The following IL20RB variants were observed in gnomAD, a reference collection of about 807,000 sequenced individuals.
The protein encoded by IL20RB is interleukin-20 receptor subunit beta.
A neutral mutation model predicts 33.3 loss-of-function variants in IL20RB; 21 were observed. That is an observed-to-expected ratio of 0.63 (90% CI 0.45 to 0.91). The LOEUF (loss-of-function observed/expected upper bound fraction) is 0.91, where lower values mean the gene tolerates loss of function less well. IL20RB is among the 40% of genes least tolerant of loss of function. IL20RB has a pLI of 0.00. For synonymous variants in IL20RB, 147 were observed against 146.8 expected (o/e 1.00, Z -0.01); for missense variants, 345 against 384.8 (o/e 0.90, Z 0.86).
chr3:136,997,129 G>A (rs567315072), intron 6 of IL20RB, among the ~76,000 whole-genome samples: 1 of 149,032 alleles, frequency 6.7e-6, no homozygotes, highest in South Asian at 2.1e-4. Context: ...ACGGAGTTTC[G>A]CTGTCATCGC....
rs1423978938 is a variant in IL20RB, at chr3:137,010,407, T to G, written c.*184T>G. Reference sequence around the variant, plus strand: ...GTGGTTTGTCTAACAGAACACTGACTGAGGCTTAGGGGATGTGACCTCTAG... The same window carrying G: ...GTGGTTTGTCTAACAGAACACTGACGGAGGCTTAGGGGATGTGACCTCTAG... On this transcript the variant is annotated 3_prime_UTR_variant, in exon 7 of 7. Transcript: ENST00000329582. 1.8e-6 allele frequency: 1 copy of G among 549,310 alleles called. No individual in the cohort carries two copies. Among genetic ancestry groups the G allele is most frequent in the African/African-American group, 1.9e-5 (1 of 52,864 alleles). 34.0% of individuals were successfully genotyped at this position (549,310 alleles called of 1,614,324 possible).
chr3:136,985,441 G>A lies in IL20RB; in HGVS notation c.406+3091G>A, dbSNP rs1485879834. On this transcript the variant is annotated intron_variant, in intron 3 of 6. Coordinates refer to ENST00000329582, the MANE Select transcript of IL20RB (RefSeq NM_144717.4). ...CAACCTCCACCTCCTGGGTTCTAGC[G>A]TTTCTCCTGCCTCAGCCTCCCAAGT... Among the ~76,000 whole-genome samples the A allele has an allele frequency of 7.3e-5, 11 of 151,060 alleles. No homozygotes were observed. In the East Asian group the frequency reaches 1.8e-3, roughly 24 times the overall value.
At chr3:136,980,621 C>T (rs770670115) in intron 2 of IL20RB, 29 bp downstream of exon 2, 3 of 1,613,276 alleles carry the variant, frequency 1.9e-6, no homozygotes, top group African/African-American at 1.3e-5. Flanking sequence ...TAGTTCTTCT[C>T]CCTTAAGCAG....
chr3:136,986,245 A>T (rs1941895415), intron 3 of IL20RB, among the ~76,000 whole-genome samples: 2 of 142,058 alleles, frequency 1.4e-5, no homozygotes, highest in Admixed American at 1.5e-4. Context: ...ATAAATAAAT[A>T]AATAAATAAA....
At chr3:136,995,581 T>C (rs1202851853) in intron 6 of IL20RB, 25 bp downstream of exon 6, 1 of 1,612,706 alleles carries the variant, frequency 6.2e-7, no homozygotes. Context: ...CTTTATTCCT[T>C]TCAGTATAAC....
At position 136,991,631 on chromosome 3, in the gene IL20RB, CAG is replaced by C. The variant is rs761801915; in HGVS notation, c.532-304_532-303del. Among the ~76,000 whole-genome samples, 87 of 152,296 alleles carry C rather than the reference CAG, an allele frequency of 5.7e-4. No individual in the cohort carries two copies. The Middle Eastern group carries it at 0.01, about 18-fold the overall frequency. ...TCTTTTTATCTTTTATTTTTTGAGA[CAG>C]AGTCTCGCTCTGTCGCCCAAGCTGG... On this transcript the variant is annotated intron_variant, in intron 4 of 6. Transcript: ENST00000329582.
At chr3:136,980,215 A>G (rs758348572) in intron 1 of IL20RB, 1 of 513,812 alleles carries the variant, frequency 1.9e-6, no homozygotes, top group Non-Finnish European at 3.5e-6. Flanking sequence ...CAGAATTATA[A>G]TGGTGGTACC....
In IL20RB at chr3:137,006,921, G is replaced by T. The variant is rs180907542; in HGVS notation, c.826-3192G>T. On this transcript the variant is annotated intron_variant, in intron 6 of 6. Coordinates refer to ENST00000329582, the MANE Select transcript of IL20RB (RefSeq NM_144717.4). ...ATCTTTGTGGTTATATGTACCTTTC[G>T]TCTTGATGTTGGTGACTAGAGATGG... Among the ~76,000 whole-genome samples the T allele has an allele frequency of 1.8e-4, 27 of 152,256 alleles. No homozygotes were observed. In the East Asian group the frequency reaches 4.4e-3, roughly 25 times the overall value.
rs361236 is a variant in IL20RB at position 137,010,969 on chromosome 3, C to T, written c.*746C>T. 0.045 allele frequency: 6,888 copies of T among 152,292 alleles called. 206 individuals carry two copies. The highest frequency in any genetic ancestry group is 0.065 in the Non-Finnish European group (4,414 of 68,036). 9.4% of individuals were successfully genotyped at this position (152,292 alleles called of 1,614,324 possible). A position where few individuals can be genotyped will look rare whatever the true frequency, so the allele number is the denominator to read the frequency against. On this transcript the variant is annotated 3_prime_UTR_variant, in exon 7 of 7. Coordinates refer to ENST00000329582, the MANE Select transcript of IL20RB (RefSeq NM_144717.4). The stretch of plus-strand genomic sequence containing the variant: ...GCAGGTGAAATGTATGTGTGCAATG[C>T]GACGAGAATGCAGAAGTCAGTAACA...
intron 1 of IL20RB, among the ~76,000 whole-genome samples, chr3:136,977,534 AT>A (rs1362378141): frequency 4.6e-5 from 7 of 151,314 alleles, no homozygotes; most frequent in Non-Finnish European, 7.4e-5. Flanking sequence ...TAGAAATATA[AT>A]TTTTTTTTGA....
At chr3:136,960,425 C>T (rs1360669505) in intron 1 of IL20RB, among the ~76,000 whole-genome samples, 3 of 152,182 alleles carry the variant, frequency 2.0e-5, no homozygotes, top group Non-Finnish European at 4.4e-5. Context: ...GGATTACAGG[C>T]ATGAGCCACC....
intron 1 of IL20RB, among the ~76,000 whole-genome samples, chr3:136,961,321 T>A (rs1457222208): frequency 6.6e-6 from 1 of 152,136 alleles, no homozygotes; most frequent in African/African-American, 2.4e-5. Flanking sequence ...TAACAAAATT[T>A]TAACTATTCT....
chr3:137,005,382 A>G (rs147500349), intron 6 of IL20RB, among the ~76,000 whole-genome samples: 1 of 152,072 alleles, frequency 6.6e-6, no homozygotes, highest in Non-Finnish European at 1.5e-5. Context: ...GTCTCCCATT[A>G]TTATTGTGTG....
In IL20RB at chr3:136,992,042, T is replaced by C; in HGVS notation, c.636T>C (p.Ile212=). The C allele has an allele frequency of 6.2e-6, 10 of 1,614,140 alleles. No homozygotes were observed. Among genetic ancestry groups the C allele is most frequent in the Non-Finnish European group, 7.6e-6 (9 of 1,180,022 alleles). ...CVKAQTFVKA[I]GRYSAFSQTE... The stretch of plus-strand genomic sequence containing the variant: ...AGGCCCAGACATTCGTGAAGGCCAT[T>C]GGGAGGTACAGCGCCTTCAGCCAGA... The change falls in exon 5 of 7, where the codon ATT becomes ATC. Residue 212 remains isoleucine, a synonymous_variant. Coordinates refer to ENST00000329582, the MANE Select transcript of IL20RB (RefSeq NM_144717.4).
At position 137,010,554 on chromosome 3, in the gene IL20RB, G is replaced by C. The variant is rs1025536172; in HGVS notation, c.*331G>C. On this transcript the variant is annotated 3_prime_UTR_variant, in exon 7 of 7. Transcript: ENST00000329582. ...CACACCTGCTAAACACACACACACA[G>C]AGTCTCTCTCTATATATACACACGT... The C allele has an allele frequency of 4.2e-6, 1 of 238,634 alleles. No individual in the cohort carries two copies. Among genetic ancestry groups the C allele is most frequent in the Middle Eastern group, 1.4e-3 (1 of 692 alleles). The allele number at this position is 238,634 out of a possible 1,614,324, so 14.8% of individuals were successfully genotyped here. A position where few individuals can be genotyped will look rare whatever the true frequency, so the allele number is the denominator to read the frequency against.
Position 136,995,559 on chromosome 3 carries a change from A to T in IL20RB, c.825+3A>T. ...TGGTGGTCCTCCCAGACACCTTGGT[A>T]ATAGAGTAGTTCTTTATTCCTTTCA... On this transcript the variant is annotated splice_donor_region_variant and intron_variant, in intron 6 of 6. Transcript: ENST00000329582. 1 of 1,614,090 alleles carries T rather than the reference A, an allele frequency of 6.2e-7. No individual in the cohort carries two copies. Among genetic ancestry groups the T allele is most frequent in the South Asian group, 1.1e-5 (1 of 91,070 alleles).
chr3:136,993,090 T>G (rs561106658), intron 5 of IL20RB, among the ~76,000 whole-genome samples: 2 of 152,120 alleles, frequency 1.3e-5, no homozygotes, highest in Non-Finnish European at 2.9e-5. Context: ...GGGCCAGGCA[T>G]GGTGGCTCAC....
chr3:137,010,025 TAATC>T (rs1424013081), intron 6 of IL20RB, 84 bp from the exon 7 acceptor site: 10 of 710,200 alleles, frequency 1.4e-5, no homozygotes, highest in Middle Eastern at 4.0e-4. Context: ...GGAAATTAAT[TAATC>T]AAATAGTTAA....
chr3:136,989,588 TG>T, intron 4 of IL20RB, 23 bp downstream of exon 4: 1 of 1,612,698 alleles, frequency 6.2e-7, no homozygotes, highest in Non-Finnish European at 8.5e-7. Flanking sequence ...CCTTGGCCTT[TG>T]GGTCAGGCTT....
Sources: gnomAD v4.1 joint callset for allele counts (sites outside exome capture counted in the v4.1 genomes callset) on GRCh38, gnomAD v4.1.1 for gene constraint, MANE v1.5 for transcripts, NCBI Gene and HGNC (gene_info 2026-07-23, HGNC 2026-07-21) for gene names.